Variants in BCL11B observed in about 807,000 individuals in gnomAD.
BCL11B encodes BCL11 transcription factor B.
In BCL11B, 8 loss-of-function variants were observed where a neutral mutation model predicts 49.9. The ratio of observed to expected loss-of-function variants is 0.16; its 90% CI spans 0.09 to 0.29. The LOEUF (loss-of-function observed/expected upper bound fraction) is 0.29. Ranked by LOEUF, BCL11B falls within the 10% of genes least tolerant of loss-of-function variation. The pLI, the probability that BCL11B is intolerant of heterozygous loss-of-function variation, is 1.00. For synonymous variants in BCL11B, 739 were observed against 637.4 expected, an observed-to-expected ratio of 1.16 and a Z score of -2.40; for missense variants, 1,006 against 1,351.0, an observed-to-expected ratio of 0.74 and a Z score of 4.00.
rs554852420 is a variant in BCL11B, at chr14:99,267,989, G to A, written c.58+3172C>T. On this transcript the variant is annotated intron_variant, in intron 1 of 3. Coordinates refer to ENST00000357195, the MANE Select transcript of BCL11B (RefSeq NM_138576.4). ...TCACCCTGGCCCTGTCTGGCACAGCGGGCTCTGGCCCTTTCCTCTGCGTGG... is the reference window on the plus strand; with the variant it reads ...TCACCCTGGCCCTGTCTGGCACAGCAGGCTCTGGCCCTTTCCTCTGCGTGG... 1.4e-3 allele frequency among the ~76,000 whole-genome samples: 205 copies of A among 151,138 alleles called. 4 individuals are homozygous for A. Among genetic ancestry groups the A allele is most frequent in the Non-Finnish European group, 4.9e-4 (33 of 67,776 alleles).
chr14:99,198,185 T>C (rs1887233720), intron 3 of BCL11B, among the ~76,000 whole-genome samples: 1 of 152,260 alleles, frequency 6.6e-6, no homozygotes, highest in Admixed American at 6.5e-5. Flanking sequence ...TCAGTGTCAT[T>C]GCACTGTCTG....
intron 3 of BCL11B, among the ~76,000 whole-genome samples, chr14:99,185,092 G>T (rs1206182161): frequency 6.6e-6 from 1 of 152,164 alleles, no homozygotes; most frequent in Non-Finnish European, 1.5e-5. Context: ...GTCAGACAAA[G>T]CAGAAACCTC....
intron 2 of BCL11B, among the ~76,000 whole-genome samples, chr14:99,244,131 T>G (rs1049608759): frequency 7.2e-5 from 11 of 152,112 alleles, no homozygotes; most frequent in African/African-American, 2.2e-4. Context: ...TGTCCAAGCC[T>G]TAGCCCAAAC....
chr14:99,230,163 T>C (rs906818604), intron 3 of BCL11B, among the ~76,000 whole-genome samples: 1 of 152,218 alleles, frequency 6.6e-6, no homozygotes, highest in Non-Finnish European at 1.5e-5. Context: ...CAGGAAGCTC[T>C]GGACCCTGGA....
In BCL11B at chr14:99,174,012, A is replaced by C; in HGVS notation, c.*139T>G. ...CCATAGGACTTCGCAGACACAGGTT[A>C]GGTTGGAGTGCCGCCTCCCCTGGGC... is the stretch of plus-strand genomic sequence containing the variant. On this transcript the variant is annotated 3_prime_UTR_variant, in exon 4 of 4. Coordinates refer to ENST00000357195, the MANE Select transcript of BCL11B (RefSeq NM_138576.4). 1 of 758,506 alleles carries C rather than the reference A, an allele frequency of 1.3e-6. No homozygotes were observed. Among genetic ancestry groups the C allele is most frequent in the Non-Finnish European group, 2.1e-6 (1 of 471,580 alleles). The allele number at this position is 758,506 out of a possible 1,614,324, so 47.0% of individuals were successfully genotyped here. A position where few individuals can be genotyped will look rare whatever the true frequency, so the allele number is the denominator to read the frequency against.
In BCL11B at chr14:99,172,041, G is replaced by GA. The variant is rs1331892828; in HGVS notation, c.*2109dup. 6.0e-4 allele frequency: 124 copies of GA among 206,870 alleles called. No homozygotes were observed. Among genetic ancestry groups the GA allele is most frequent in the Middle Eastern group, 1.6e-3 (1 of 642 alleles). The allele number at this position is 206,870 out of a possible 1,614,324, so 12.8% of individuals were successfully genotyped here. A position where few individuals can be genotyped will look rare whatever the true frequency, so the allele number is the denominator to read the frequency against. Reference sequence around the variant, plus strand: ...TTGTATAACCTATTAAGCAAACTTTGAAAAAAAAAGATCGCTCCAACACAC... The same window carrying GA: ...TTGTATAACCTATTAAGCAAACTTTGAAAAAAAAAAGATCGCTCCAACACAC... On this transcript the variant is annotated 3_prime_UTR_variant, in exon 4 of 4. Transcript: ENST00000357195.
Position 99,271,335 on chromosome 14 carries a change from C to CGCCGCT in BCL11B, c.-118_-117insAGCGGC. 1 of 669,614 alleles carries CGCCGCT rather than the reference C, an allele frequency of 1.5e-6. No individual in the cohort carries two copies. Among genetic ancestry groups the CGCCGCT allele is most frequent in the Non-Finnish European group, 2.0e-6 (1 of 492,800 alleles). 41.5% of individuals were successfully genotyped at this position (669,614 alleles called of 1,614,324 possible). ...CCGCTGCCGCCGCCGCCGCCGCCGC[C>CGCCGCT]GCACCTCCTCCTCTGCCCGGGTTGG... On this transcript the variant is annotated 5_prime_UTR_variant, in exon 1 of 4. Transcript: ENST00000357195.
chr14:99,177,538 C>G (rs1886573355), intron 3 of BCL11B, among the ~76,000 whole-genome samples: 1 of 149,902 alleles, frequency 6.7e-6, no homozygotes, highest in African/African-American at 2.5e-5. Context: ...TGCAGCATTG[C>G]ACTCACTAGC....
intron 2 of BCL11B, among the ~76,000 whole-genome samples, chr14:99,253,506 G>A (rs555324536): frequency 6.1e-4 from 93 of 152,252 alleles, no homozygotes; most frequent in African/African-American, 2.1e-3. Context: ...TACCCCCACC[G>A]TGTGCCAGGC....
intron 3 of BCL11B, among the ~76,000 whole-genome samples, chr14:99,219,521 G>A (rs895204620): frequency 6.6e-5 from 10 of 151,916 alleles, no homozygotes; most frequent in South Asian, 4.2e-4. Flanking sequence ...GTCCCTCCCC[G>A]CCCAGCCAAG....
intron 3 of BCL11B, among the ~76,000 whole-genome samples, chr14:99,202,809 C>A (rs992871166): frequency 2.0e-5 from 3 of 152,188 alleles, no homozygotes; most frequent in Non-Finnish European, 4.4e-5. Flanking sequence ...AGCCTGGGGT[C>A]TCATGCAGCG....
At chr14:99,239,897 T>A (rs909112350) in intron 2 of BCL11B, among the ~76,000 whole-genome samples, 1 of 151,930 alleles carries the variant, frequency 6.6e-6, no homozygotes, top group Non-Finnish European at 1.5e-5. Context: ...GAATTAAGAA[T>A]GAAAATAAAC....
intron 1 of BCL11B, among the ~76,000 whole-genome samples, chr14:99,270,866 G>GCA (rs1157540573): frequency 2.0e-4 from 30 of 148,360 alleles, no homozygotes; most frequent in African/African-American, 6.9e-4. Context: ...GGCTCGGCGC[G>GCA]CACACACACA....
Position 99,175,299 on chromosome 14 carries a change from C to T in BCL11B, c.1537G>A (p.Ala513Thr). Residue 513 changes from alanine (A) to threonine (T), a missense_variant, in exon 4 of 4, where the codon GCC becomes ACC. Ala to Thr is a moderately conservative substitution (Grantham distance 58, BLOSUM62 0). Around this residue, in one of 6 missense-constraint regions of BCL11B, gnomAD observed 443 missense variants for 499.7 expected, o/e 0.89. Transcript: ENST00000357195. Reference sequence around the variant, plus strand: ...TCGTGGTGGCGGAAGTCACCGTCGGCCGCCTTGAGGCCCTCGCCCGCCAGC... The same window carrying T: ...TCGTGGTGGCGGAAGTCACCGTCGGTCGCCTTGAGGCCCTCGCCCGCCAGC... Reference protein sequence around the residue: ...SELAGEGLKAADGDFRHHESD... With the variant: ...SELAGEGLKATDGDFRHHESD... The T allele has an allele frequency of 6.5e-7, 1 of 1,540,838 alleles. No individual in the cohort carries two copies.
At chr14:99,235,289 A>C (rs1283204461) in intron 2 of BCL11B, among the ~76,000 whole-genome samples, 1 of 152,096 alleles carries the variant, frequency 6.6e-6, no homozygotes, top group African/African-American at 2.4e-5. Flanking sequence ...CAATTGATAC[A>C]TTTTTTTAAG....
At chr14:99,236,180 G>A (rs1397180477) in intron 2 of BCL11B, among the ~76,000 whole-genome samples, 1 of 152,196 alleles carries the variant, frequency 6.6e-6, no homozygotes, top group African/African-American at 2.4e-5. Flanking sequence ...CGAACGTACT[G>A]TGCAGGAAAG....
At chr14:99,264,079 C>T (rs1319629760) in intron 1 of BCL11B, 1 of 152,228 alleles carries the variant, frequency 6.6e-6, no homozygotes, top group Non-Finnish European at 1.5e-5. Context: ...GATAAAAAAG[C>T]ACTCTTTGTG....
rs1315390714 is a variant in BCL11B, at chr14:99,257,007, AAC to A, written c.427+462_427+463del. Among the ~76,000 whole-genome samples the A allele has an allele frequency of 6.6e-6, 1 of 152,144 alleles. No individual in the cohort carries two copies. Among genetic ancestry groups the A allele is most frequent in the Non-Finnish European group, 1.5e-5 (1 of 68,020 alleles). On this transcript the variant is annotated intron_variant, in intron 2 of 3. Transcript: ENST00000357195. The surrounding 1 kb of genome is among the most constrained non-coding windows in gnomAD (Gnocchi z 6.2). Reference sequence around the variant, plus strand: ...GTGCCTACCAGGTCATGCCGCATGCAACAGCTCATTCGTCCTCACAGCAACCC... The same window carrying A: ...GTGCCTACCAGGTCATGCCGCATGCAAGCTCATTCGTCCTCACAGCAACCC...
intron 3 of BCL11B, among the ~76,000 whole-genome samples, chr14:99,226,375 A>G (rs1280836085): frequency 1.3e-5 from 2 of 151,464 alleles, no homozygotes; most frequent in Non-Finnish European, 2.9e-5. Flanking sequence ...CTTCACCCCC[A>G]TACTCACCCC....
Sources: gnomAD v4.1 joint callset for allele counts (sites outside exome capture counted in the v4.1 genomes callset) on GRCh38, gnomAD v4.1.1 for gene constraint, gnomAD v4.1.1 regional missense constraint, Gnocchi (gnomAD v3.1) non-coding constraint, MANE v1.5 for transcripts, NCBI Gene and HGNC (gene_info 2026-07-23, HGNC 2026-07-21) for gene names.